The following AOPEP variants were observed in gnomAD, a reference collection of about 807,000 sequenced individuals.
AOPEP encodes aminopeptidase O.
Under a neutral mutation model 98.1 loss-of-function variants are expected in AOPEP, and 77 were observed. That is an observed-to-expected ratio of 0.78 (90% confidence interval 0.65 to 0.95). The LOEUF is 0.95. Among genes scored for constraint, AOPEP ranks in the 40% least tolerant of loss-of-function variants. The pLI, the probability that AOPEP is intolerant of heterozygous loss-of-function variation, is 0.00. For missense variants in AOPEP, 1,024 were observed against 1,024.7 expected (o/e 1.00, Z 0.01); for synonymous variants, 346 against 365.3 (o/e 0.95, Z 0.60).
At chr9:94,952,795 G>T (rs1395404989) in intron 7 of AOPEP, among the ~76,000 whole-genome samples, 1 of 152,208 alleles carries the variant, frequency 6.6e-6, no homozygotes, top group Non-Finnish European at 1.5e-5. Context: ...GCTATCAAAG[G>T]AATCTCTTGG....
Position 94,760,486 on chromosome 9 carries a change from C to T in AOPEP, c.703C>T (p.Gln235Ter), listed in dbSNP as rs776739942. 14 of 1,612,158 alleles carry T rather than the reference C, an allele frequency of 8.7e-6. No individual in the cohort carries two copies. The highest frequency in any genetic ancestry group is 5.9e-6 in the Non-Finnish European group (7 of 1,179,446). ...WSLQIRKTGA[Q>*]TATDFPHAIR... is the part of the protein sequence containing the mutation. ...CTTGCAGATAAGGAAGACAGGGGCT[C>T]AGACAGCTACTGACTTTCCTCATGC... The change falls in exon 2 of 17, where the codon CAG becomes TAG. Residue 235 changes from glutamine (Q) to a stop codon, truncating the protein, a stop_gained. Coordinates refer to ENST00000375315, the MANE Select transcript of AOPEP (RefSeq NM_001193329.3). LOFTEE classifies it high-confidence loss of function.
intron 11 of AOPEP, among the ~76,000 whole-genome samples, chr9:94,987,154 AG>A (rs1346234885): frequency 6.6e-6 from 1 of 152,266 alleles, no homozygotes; most frequent in Admixed American, 6.5e-5. Context: ...AGAGAAATAC[AG>A]GCTTTGCCTT....
intron 2 of AOPEP, among the ~76,000 whole-genome samples, chr9:94,768,601 T>G (rs1356797609): frequency 6.6e-6 from 1 of 152,216 alleles, no homozygotes; most frequent in Non-Finnish European, 1.5e-5. Context: ...TGATTGTTAT[T>G]CTGACAAGTT....
At chr9:94,901,154 A>G (rs2050340642) in intron 5 of AOPEP, among the ~76,000 whole-genome samples, 1 of 152,228 alleles carries the variant, frequency 6.6e-6, no homozygotes, top group Non-Finnish European at 1.5e-5. Context: ...TGTTACTGTC[A>G]ATAAGCAAGA....
chr9:94,943,933 A>AAAC (rs1272285512), intron 7 of AOPEP, among the ~76,000 whole-genome samples: 36 of 150,596 alleles, frequency 2.4e-4, no homozygotes, highest in African/African-American at 8.6e-4. Context: ...AAAAAAAAAA[A>AAAC]AAAAAAAAAA....
chr9:95,124,950 G>A, the AOPEP span: 1 of 755,818 alleles, frequency 1.3e-6, no homozygotes, highest in Non-Finnish European at 2.3e-6. Context: ...CCTTTGTTGG[G>A]GCACTCATTA....
chr9:94,778,272 C>A (rs901253529), intron 3 of AOPEP, among the ~76,000 whole-genome samples: 3 of 152,138 alleles, frequency 2.0e-5, no homozygotes, highest in Non-Finnish European at 4.4e-5. Context: ...TTTACACGAT[C>A]TAGCAATTTT....
At chr9:94,788,896 A>G (rs1845033695) in intron 3 of AOPEP, among the ~76,000 whole-genome samples, 1 of 152,156 alleles carries the variant, frequency 6.6e-6, no homozygotes, top group Non-Finnish European at 1.5e-5. Context: ...ACTTCCAGTT[A>G]TTTGTTGGGA....
chr9:94,774,969 AT>A (rs1047814522), intron 3 of AOPEP, among the ~76,000 whole-genome samples: 1 of 151,950 alleles, frequency 6.6e-6, no homozygotes, highest in Non-Finnish European at 1.5e-5. Flanking sequence ...TCCTTTGCCC[AT>A]TTTTTATACT....
At chr9:94,886,957 A>G (rs2048312069) in intron 5 of AOPEP, among the ~76,000 whole-genome samples, 1 of 152,210 alleles carries the variant, frequency 6.6e-6, no homozygotes. Context: ...AATACAGTCC[A>G]TAATGAAATA....
Position 95,061,020 on chromosome 9 carries a change from C to A in AOPEP, c.2232+210C>A, listed in dbSNP as rs1416150008. Reference sequence around the variant, plus strand: ...TTGAGGTCTTAAGTTTTTCCCTCTTCTTAAATCATAAAGATGGACATAAGT... The same window carrying A: ...TTGAGGTCTTAAGTTTTTCCCTCTTATTAAATCATAAAGATGGACATAAGT... On this transcript the variant is annotated intron_variant, in intron 14 of 16. Transcript: ENST00000375315. 15 of 462,378 alleles carry A rather than the reference C, an allele frequency of 3.2e-5. No individual in the cohort carries two copies. In the South Asian group the frequency reaches 4.4e-4, roughly 14 times the overall value. 28.6% of individuals were successfully genotyped at this position (462,378 alleles called of 1,614,324 possible).
intron 13 of AOPEP, among the ~76,000 whole-genome samples, chr9:95,054,480 A>G (rs1207028260): frequency 6.6e-6 from 1 of 152,244 alleles, no homozygotes; most frequent in Non-Finnish European, 1.5e-5. Context: ...TAGATTGCAT[A>G]TAGTGTATGC....
Position 94,760,146 on chromosome 9 carries a change from T to G in AOPEP, c.363T>G (p.His121Gln). The stretch of plus-strand genomic sequence containing the variant: ...ATGGTAACCATGACAACCAGGAACA[T>G]GCTTCTGGGATTTCTAGCTCAAAGT... The part of the protein sequence containing the change: ...DKDGNHDNQE[H>Q]ASGISSSKYC... Residue 121 changes from histidine to glutamine, a missense_variant, in exon 2 of 17, where the codon CAT (histidine) becomes CAG (glutamine). His to Gln is a conservative substitution (Grantham distance 24). Coordinates refer to ENST00000375315, the MANE Select transcript of AOPEP (RefSeq NM_001193329.3). The G allele has an allele frequency of 6.2e-7, 1 of 1,614,144 alleles. No homozygotes were observed.
intron 13 of AOPEP, among the ~76,000 whole-genome samples, chr9:95,058,236 T>C (rs1461429717): frequency 6.6e-6 from 1 of 152,238 alleles, no homozygotes; most frequent in Non-Finnish European, 1.5e-5. Context: ...GGGGTTAAGT[T>C]GAGGACCAAG....
At chr9:94,943,006 A>T (rs1339232766) in intron 7 of AOPEP, among the ~76,000 whole-genome samples, 2 of 152,184 alleles carry the variant, frequency 1.3e-5, no homozygotes, top group African/African-American at 4.8e-5. Context: ...CTAAAATTAT[A>T]CAACAAACAG....
chr9:94,974,806 G>A (rs117999374), intron 10 of AOPEP, among the ~76,000 whole-genome samples: 27 of 152,296 alleles, frequency 1.8e-4, no homozygotes, highest in Non-Finnish European at 3.7e-4. Flanking sequence ...AGTTTAGCAC[G>A]GAAAGAAAAG....
intron 10 of AOPEP, among the ~76,000 whole-genome samples, chr9:94,969,628 C>T (rs1403899087): frequency 2.0e-5 from 3 of 152,022 alleles, no homozygotes; most frequent in Non-Finnish European, 2.9e-5. Flanking sequence ...AGGATGGTCT[C>T]GATCTCCTGA....
At chr9:95,102,443 G>T in the AOPEP span, among the ~76,000 whole-genome samples, 491 of 152,164 alleles carry the variant, frequency 3.2e-3, 2 homozygotes, top group African/African-American at 0.011. Flanking sequence ...TAAAAACTTC[G>T]GTTAAGAAAA....
intron 7 of AOPEP, among the ~76,000 whole-genome samples, chr9:94,940,804 CCCTCATGT>C (rs879813309): frequency 5.9e-5 from 9 of 152,046 alleles, no homozygotes; most frequent in Admixed American, 5.9e-4. Flanking sequence ...CTGGCTCGTC[CCCTCATGT>C]CCGCATGGCT....
Sources: gnomAD v4.1 joint callset for allele counts (sites outside exome capture counted in the v4.1 genomes callset) on GRCh38, gnomAD v4.1.1 for gene constraint, MANE v1.5 for transcripts, NCBI Gene and HGNC (gene_info 2026-07-23, HGNC 2026-07-21) for gene names.